Variants in TAFA2 observed in about 807,000 individuals in gnomAD.
TAFA2 encodes the protein chemokine-like protein TAFA-2.
In TAFA2, 7 loss-of-function variants were observed where a neutral mutation model predicts 18.8. The ratio of observed to expected loss-of-function variants is 0.37; its 90% CI spans 0.21 to 0.70. The LOEUF (loss-of-function observed/expected upper bound fraction) is 0.70. Among genes scored for constraint, TAFA2 ranks in the 30% least tolerant of loss-of-function variants. The pLI is 0.53. For missense variants in TAFA2, 122 were observed against 158.1 expected (o/e 0.77, Z 1.23); for synonymous variants, 60 against 54.2 (o/e 1.11, Z -0.47).
chr12:61,774,744 C>T lies in TAFA2; in HGVS notation c.107-19720G>A, dbSNP rs1168565913. Among the ~76,000 whole-genome samples, 6 of 151,200 alleles carry T rather than the reference C, an allele frequency of 4.0e-5. No homozygotes were observed. The East Asian group carries it at 7.8e-4, about 20-fold the overall frequency. On this transcript the variant is annotated intron_variant, in intron 2 of 4. Coordinates refer to ENST00000416284, the MANE Select transcript of TAFA2 (RefSeq NM_178539.5). The stretch of plus-strand genomic sequence containing the variant: ...TACACTCCTCTGGTGATGGATGCAC[C>T]GAAATCACCACTAAAGATCTTATCC...
At chr12:62,003,012 C>G (rs1880430554) in intron 1 of TAFA2, among the ~76,000 whole-genome samples, 1 of 152,098 alleles carries the variant, frequency 6.6e-6, no homozygotes, top group Non-Finnish European at 1.5e-5. Flanking sequence ...AATTCTATTG[C>G]CAGTCATTGG....
intron 1 of TAFA2, among the ~76,000 whole-genome samples, chr12:61,980,285 G>A (rs80317021): frequency 0.018 from 2,741 of 152,080 alleles, 83 homozygotes; most frequent in African/African-American, 0.063. Flanking sequence ...AATAAACTAG[G>A]TATTGATAGA....
chr12:61,729,807 A>G (rs957381389), intron 4 of TAFA2, among the ~76,000 whole-genome samples: 1 of 152,044 alleles, frequency 6.6e-6, no homozygotes, highest in Non-Finnish European at 1.5e-5. Flanking sequence ...TTATTTTGTC[A>G]TATTACCAGA....
chr12:61,846,914 G>C (rs1350334205), intron 2 of TAFA2, among the ~76,000 whole-genome samples: 1 of 152,152 alleles, frequency 6.6e-6, no homozygotes, highest in East Asian at 1.9e-4. Flanking sequence ...TCTCCCAGGA[G>C]TATTTCATCA....
chr12:62,044,596 A>C (rs1007862840), intron 1 of TAFA2, among the ~76,000 whole-genome samples: 1 of 152,260 alleles, frequency 6.6e-6, no homozygotes, highest in African/African-American at 2.4e-5. Context: ...TTTTCAACTC[A>C]GGCTCCTGCT....
chr12:61,930,572 G>C (rs1877513681), intron 1 of TAFA2, among the ~76,000 whole-genome samples: 1 of 152,142 alleles, frequency 6.6e-6, no homozygotes, highest in Non-Finnish European at 1.5e-5. Context: ...CAAGATTCAA[G>C]CTGCTAGATT....
intron 1 of TAFA2, among the ~76,000 whole-genome samples, chr12:61,905,678 T>A (rs1285292005): frequency 1.3e-5 from 2 of 152,186 alleles, no homozygotes; most frequent in Non-Finnish European, 2.9e-5. Flanking sequence ...CATATCCAAT[T>A]AGTCTCAAAT....
chr12:61,855,656 T>A (rs1316157258), intron 2 of TAFA2, among the ~76,000 whole-genome samples: 1 of 152,134 alleles, frequency 6.6e-6, no homozygotes, highest in Non-Finnish European at 1.5e-5. Flanking sequence ...AATAAATATA[T>A]ATTTTTAAAT....
At chr12:61,885,179 C>G (rs1037440275) in intron 1 of TAFA2, among the ~76,000 whole-genome samples, 5 of 152,126 alleles carry the variant, frequency 3.3e-5, no homozygotes, top group Admixed American at 6.5e-5. Flanking sequence ...AGAGCACACC[C>G]AAAAGGGACA....
chr12:61,951,202 T>C (rs1878453508), intron 1 of TAFA2, among the ~76,000 whole-genome samples: 1 of 152,128 alleles, frequency 6.6e-6, no homozygotes, highest in African/African-American at 2.4e-5. Flanking sequence ...GAAAAAGCAG[T>C]CTCACACGTG....
At chr12:62,209,074 T>G (rs2062703464) in intron 1 of TAFA2, among the ~76,000 whole-genome samples, 1 of 152,102 alleles carries the variant, frequency 6.6e-6, no homozygotes, top group Non-Finnish European at 1.5e-5. Flanking sequence ...CAACACAAGG[T>G]TTTTGAAAAC....
intron 1 of TAFA2, among the ~76,000 whole-genome samples, chr12:62,180,379 T>A (rs2062544269): frequency 6.6e-6 from 1 of 152,166 alleles, no homozygotes; most frequent in Non-Finnish European, 1.5e-5. Context: ...TTCTTGAGAA[T>A]CATCAGAGAA....
intron 2 of TAFA2, among the ~76,000 whole-genome samples, chr12:61,788,845 A>G (rs1464861484): frequency 6.6e-6 from 1 of 151,844 alleles, no homozygotes; most frequent in Non-Finnish European, 1.5e-5. Context: ...AGGAAAAAAT[A>G]TAAAATCTGA....
rs1002751444 is a variant in TAFA2 at position 62,191,955 on chromosome 12, G to C, written c.-698C>G. The C allele has an allele frequency of 6.6e-6, 1 of 152,348 alleles. No homozygotes were observed. The highest frequency in any genetic ancestry group is 1.5e-5 in the Non-Finnish European group (1 of 68,206). 9.4% of individuals were successfully genotyped at this position (152,348 alleles called of 1,614,324 possible). A position where few individuals can be genotyped will look rare whatever the true frequency, so the allele number is the denominator to read the frequency against. On this transcript the variant is annotated 5_prime_UTR_variant, in exon 1 of 5. Transcript: ENST00000416284. ...GGCCACGCACTTCTCGAGTTCCCTG[G>C]CTCTCGCAGGTACCGGGTCTCCAAC...
At chr12:62,259,514 T>A (rs967987152), upstream of TAFA2, 2 of 152,286 alleles carry the variant, frequency 1.3e-5, no homozygotes, top group African/African-American at 4.8e-5. Flanking sequence ...CATTTGATTT[T>A]TAAGCGACTC....
chr12:62,030,934 A>G (rs1881441311), intron 1 of TAFA2, among the ~76,000 whole-genome samples: 1 of 152,148 alleles, frequency 6.6e-6, no homozygotes, highest in Admixed American at 6.6e-5. Context: ...CGCAGAAGTT[A>G]TAGAGGAGGT....
intron 1 of TAFA2, among the ~76,000 whole-genome samples, chr12:62,198,741 T>C (rs540052598): frequency 6.6e-6 from 1 of 152,196 alleles, no homozygotes; most frequent in South Asian, 2.1e-4. Flanking sequence ...CAGAATTCAT[T>C]CCACACAACC....
At chr12:62,239,124 C>G (rs1347664792) in intron 1 of TAFA2, among the ~76,000 whole-genome samples, 3 of 152,148 alleles carry the variant, frequency 2.0e-5, no homozygotes, top group Non-Finnish European at 4.4e-5. Context: ...TCAGTTATTT[C>G]TACCTCCAGA....
At chr12:62,142,809 T>A (rs1385668820) in intron 1 of TAFA2, among the ~76,000 whole-genome samples, 1 of 152,216 alleles carries the variant, frequency 6.6e-6, no homozygotes, top group African/African-American at 2.4e-5. Flanking sequence ...GTGTCACAGA[T>A]AATTTCTTTA....
Sources: gnomAD v4.1 joint callset for allele counts (sites outside exome capture counted in the v4.1 genomes callset) on GRCh38, gnomAD v4.1.1 for gene constraint, MANE v1.5 for transcripts, NCBI Gene and HGNC (gene_info 2026-07-23, HGNC 2026-07-21) for gene names.